B4GALNT3: variants seen among roughly 807,000 people sequenced by gnomAD.
B4GALNT3 encodes beta-1,4-N-acetylgalactosaminyltransferase 3.
In B4GALNT3, 86 loss-of-function variants were observed where a neutral mutation model predicts 120.2. The observed-to-expected ratio is 0.72, with a 90% CI of 0.60 to 0.86. B4GALNT3 has a LOEUF of 0.86. Among genes scored for constraint, B4GALNT3 ranks in the 40% least tolerant of loss-of-function variants. The pLI is 0.00. For missense variants in B4GALNT3, 1,167 were observed against 1,298.9 expected (o/e 0.90, Z 1.56); for synonymous variants, 518 against 510.4 (o/e 1.01, Z -0.20).
rs1029024257 is a variant in B4GALNT3, at chr12:544,980, C to T, written c.538+8C>T. 17 of 1,613,266 alleles carry T rather than the reference C, an allele frequency of 1.1e-5. No homozygotes were observed. The highest frequency in any genetic ancestry group is 1.4e-5 in the Non-Finnish European group (17 of 1,179,528). ...TGCACCCCTTTACTGATGGTGAGGC[C>T]AGCCCCAAAACCCCATCCTTCTTCC... On this transcript the variant is annotated splice_region_variant and intron_variant, in intron 5 of 19. Coordinates refer to ENST00000266383, the MANE Select transcript of B4GALNT3 (RefSeq NM_173593.4).
At chr12:528,388 G>C (rs1592043024) in intron 1 of B4GALNT3, among the ~76,000 whole-genome samples, 2 of 152,062 alleles carry the variant, frequency 1.3e-5, no homozygotes, top group South Asian at 4.2e-4. Context: ...ACTGCACCCA[G>C]CTGGTTTATT....
chr12:533,192 A>G (rs987195948), intron 1 of B4GALNT3, among the ~76,000 whole-genome samples: 3 of 152,198 alleles, frequency 2.0e-5, no homozygotes, highest in Non-Finnish European at 4.4e-5. Context: ...CTTGCTTTAG[A>G]TCATGTGTTT....
At chr12:508,877 A>G (rs1946521442) in intron 1 of B4GALNT3, among the ~76,000 whole-genome samples, 1 of 152,216 alleles carries the variant, frequency 6.6e-6, no homozygotes, top group Admixed American at 6.5e-5. Flanking sequence ...ATTATTTTTC[A>G]GTAAGGAGCC....
At chr12:518,180 C>T (rs981996610) in intron 1 of B4GALNT3, among the ~76,000 whole-genome samples, 149 of 152,240 alleles carry the variant, frequency 9.8e-4, no homozygotes, top group African/African-American at 3.4e-3. Flanking sequence ...CCAAAGGTCA[C>T]AAGCTAAAAA....
At chr12:516,145 C>CAA (rs1314469750) in intron 1 of B4GALNT3, among the ~76,000 whole-genome samples, 7 of 76,822 alleles carry the variant, frequency 9.1e-5, no homozygotes, top group East Asian at 3.7e-4. Context: ...GACTCCGTCT[C>CAA]AAAAAAAAAA....
At chr12:524,844 G>C (rs956271143) in intron 1 of B4GALNT3, among the ~76,000 whole-genome samples, 1 of 152,160 alleles carries the variant, frequency 6.6e-6, no homozygotes, top group African/African-American at 2.4e-5. Context: ...AGTGCTTAGC[G>C]TGATGACTGG....
chr12:493,555 G>A (rs963680701), intron 1 of B4GALNT3, among the ~76,000 whole-genome samples: 6 of 151,320 alleles, frequency 4.0e-5, no homozygotes, highest in Admixed American at 1.3e-4. Context: ...CTTATTGTAA[G>A]GAACTAAGAC....
At chr12:484,364 G>A (rs148848713) in intron 1 of B4GALNT3, among the ~76,000 whole-genome samples, 169 of 152,276 alleles carry the variant, frequency 1.1e-3, no homozygotes, top group African/African-American at 3.8e-3. Flanking sequence ...CACGTGCCAC[G>A]GTTATCTCTG....
At chr12:512,795 GCCTTCCACCTTCTTCCA>G (rs1371422699) in intron 1 of B4GALNT3, among the ~76,000 whole-genome samples, 4 of 63,106 alleles carry the variant, frequency 6.3e-5, no homozygotes, top group Non-Finnish European at 1.2e-4. Flanking sequence ...TCCACCTTCC[GCCTTCCACCTTCTTCCA>G]CCTTCCACCT....
intron 1 of B4GALNT3, among the ~76,000 whole-genome samples, chr12:501,255 G>A (rs894336921): frequency 6.6e-6 from 1 of 152,060 alleles, no homozygotes; most frequent in Non-Finnish European, 1.5e-5. Flanking sequence ...CATAAAAGAG[G>A]GTCTTTCCTC....
intron 7 of B4GALNT3, among the ~76,000 whole-genome samples, chr12:547,496 T>A (rs1359035435): frequency 1.3e-5 from 2 of 152,024 alleles, no homozygotes; most frequent in Non-Finnish European, 1.5e-5. Flanking sequence ...AAATAAATTT[T>A]AAAATTTTAA....
chr12:478,869 G>A (rs1946209093), intron 1 of B4GALNT3, among the ~76,000 whole-genome samples: 1 of 152,216 alleles, frequency 6.6e-6, no homozygotes, highest in Non-Finnish European at 1.5e-5. Flanking sequence ...GGTTGCTACT[G>A]CTCTTCTCCC....
chr12:495,352 T>C (rs1358388640), intron 1 of B4GALNT3, among the ~76,000 whole-genome samples: 1 of 152,174 alleles, frequency 6.6e-6, no homozygotes, highest in Non-Finnish European at 1.5e-5. Flanking sequence ...TCCTCCTGAA[T>C]TCTTGGGTCG....
At chr12:485,550 G>A (rs1946283213) in intron 1 of B4GALNT3, among the ~76,000 whole-genome samples, 1 of 152,140 alleles carries the variant, frequency 6.6e-6, no homozygotes, top group African/African-American at 2.4e-5. Flanking sequence ...TGACCTCAGG[G>A]TCGATAGACC....
chr12:512,806 TCTTCCACCTTCCAC>T (rs1398236667), intron 1 of B4GALNT3, among the ~76,000 whole-genome samples: 1 of 114,052 alleles, frequency 8.8e-6, no homozygotes, highest in African/African-American at 3.5e-5. Context: ...CCTTCCACCT[TCTTCCACCTTCCAC>T]CTTCCGCCTT....
intron 3 of B4GALNT3, among the ~76,000 whole-genome samples, chr12:537,050 A>G (rs1255756416): frequency 1.3e-5 from 2 of 152,222 alleles, no homozygotes; most frequent in Non-Finnish European, 2.9e-5. Context: ...TTCTGCAGCC[A>G]TCTGTTTAAC....
At chr12:556,935 T>G in intron 15 of B4GALNT3, 69 bp downstream of exon 15, 4 of 1,472,230 alleles carry the variant, frequency 2.7e-6, no homozygotes, top group Non-Finnish European at 3.7e-6. Flanking sequence ...CACCCACATC[T>G]GCTTGCACTG....
chr12:511,340 C>T (rs1363086971), intron 1 of B4GALNT3, among the ~76,000 whole-genome samples: 1 of 80,404 alleles, frequency 1.2e-5, no homozygotes, highest in African/African-American at 6.3e-5. Flanking sequence ...CTTCCACCTT[C>T]CTTCCACCTT....
At chr12:467,673 G>A (rs1041951582) in intron 1 of B4GALNT3, among the ~76,000 whole-genome samples, 5 of 152,114 alleles carry the variant, frequency 3.3e-5, no homozygotes, top group Non-Finnish European at 4.4e-5. Context: ...TTGCCTTTAG[G>A]CACCACAGCA....
Sources: allele counts gnomAD v4.1 joint callset (sites outside exome capture counted in the v4.1 genomes callset), GRCh38; gene constraint gnomAD v4.1.1; transcripts MANE v1.5; gene names NCBI Gene and HGNC (gene_info 2026-07-23, HGNC 2026-07-21).